SDCCAG8: variants seen among roughly 807,000 people sequenced by gnomAD.
The protein encoded by SDCCAG8 is SHH signaling and ciliogenesis regulator SDCCAG8, also known as serologically defined colon cancer antigen 8.
In SDCCAG8, 74 loss-of-function variants were observed where a neutral mutation model predicts 101.8. That is an observed-to-expected ratio of 0.73 (90% CI 0.60 to 0.88). The LOEUF is 0.88. Among genes scored for constraint, SDCCAG8 ranks in the 40% least tolerant of loss-of-function variants. SDCCAG8 has a pLI of 0.00. For missense variants in SDCCAG8, 787 were observed against 822.6 expected, an observed-to-expected ratio of 0.96 and a Z score of 0.53; for synonymous variants, 281 against 292.9, an observed-to-expected ratio of 0.96 and a Z score of 0.41.
chr1:243,278,557 A>T (rs1031394286), intron 4 of SDCCAG8, among the ~76,000 whole-genome samples: 1 of 152,098 alleles, frequency 6.6e-6, no homozygotes, highest in Non-Finnish European at 1.5e-5. Flanking sequence ...TTATGTATTT[A>T]ATTTCAAATT....
At chr1:243,268,031 A>T in intron 1 of SDCCAG8, 2 of 776,502 alleles carry the variant, frequency 2.6e-6, no homozygotes, top group Non-Finnish European at 4.8e-6. Context: ...TTTAGGTTTT[A>T]ATCTATCCTT....
At chr1:243,444,400 C>T (rs1447813623) in intron 16 of SDCCAG8, among the ~76,000 whole-genome samples, 1 of 150,712 alleles carries the variant, frequency 6.6e-6, no homozygotes, top group African/African-American at 2.4e-5. Flanking sequence ...GGGATGGAGT[C>T]TCGCTCTGTT....
intron 12 of SDCCAG8, among the ~76,000 whole-genome samples, chr1:243,375,278 T>C (rs1298581740): frequency 2.0e-5 from 3 of 152,152 alleles, no homozygotes; most frequent in African/African-American, 2.4e-5. Context: ...TGCATGCCAT[T>C]GGAGATTAGG....
rs578183179 is a variant in SDCCAG8 at position 243,470,947 on chromosome 1, A to G, written c.1986-18067A>G. On this transcript the variant is annotated intron_variant, in intron 16 of 17. Coordinates refer to ENST00000366541, the MANE Select transcript of SDCCAG8 (RefSeq NM_006642.5). ...AGTTAAAAATGATCGAGCCCTGAAT[A>G]CTTCCTGGTCATCTCTTTCATAGTT... Among the ~76,000 whole-genome samples the G allele has an allele frequency of 7.2e-5, 11 of 152,274 alleles. 1 individual carries two copies. The South Asian group carries it at 2.1e-3, about 29-fold the overall frequency.
chr1:243,257,634 G>T (rs1440024399), intron 1 of SDCCAG8, among the ~76,000 whole-genome samples: 1 of 152,168 alleles, frequency 6.6e-6, no homozygotes, highest in Non-Finnish European at 1.5e-5. Context: ...CATGACTCTA[G>T]ATTTTATAAG....
At chr1:243,277,688 G>T (rs1321335472) in intron 4 of SDCCAG8, among the ~76,000 whole-genome samples, 1 of 151,936 alleles carries the variant, frequency 6.6e-6, no homozygotes, top group Non-Finnish European at 1.5e-5. Context: ...TTCATAGATT[G>T]TACTTTTAAC....
chr1:243,419,579 A>G (rs2080846759), intron 15 of SDCCAG8, among the ~76,000 whole-genome samples: 1 of 152,204 alleles, frequency 6.6e-6, no homozygotes, highest in African/African-American at 2.4e-5. Flanking sequence ...TTGGTATGTT[A>G]TTTAATTCTC....
chr1:243,341,578 A>G (rs867005355), intron 11 of SDCCAG8, among the ~76,000 whole-genome samples: 4 of 152,242 alleles, frequency 2.6e-5, no homozygotes, highest in Non-Finnish European at 4.4e-5. Context: ...TGCCAAAGAC[A>G]TATATTGACA....
At position 243,390,803 on chromosome 1, in the gene SDCCAG8, G is replaced by A. The variant is rs974066188; in HGVS notation, c.1616+11940G>A. ...GTTCAATGAAAATAGGAAAGAAAAA[G>A]CAAAAACATAGAATTGTTCTCATAG... On this transcript the variant is annotated intron_variant, in intron 13 of 17. Transcript: ENST00000366541. Among the ~76,000 whole-genome samples, 42 of 152,142 alleles carry A rather than the reference G, an allele frequency of 2.8e-4. 1 individual carries two copies. Among genetic ancestry groups the A allele is most frequent in the Admixed American group, 1.4e-3 (21 of 15,278 alleles).
In SDCCAG8 at chr1:243,474,563, G is replaced by A. The variant is rs558688684; in HGVS notation, c.1986-14451G>A. Among the ~76,000 whole-genome samples, 2 of 152,344 alleles carry A rather than the reference G, an allele frequency of 1.3e-5. No individual in the cohort carries two copies. Among genetic ancestry groups the A allele is most frequent in the South Asian group, 2.1e-4 (1 of 4,828 alleles). Reference sequence around the variant, plus strand: ...GCAGCGCTGAGACCTGGCCGCCTAGGCCACCCTGCCCGGCGAGGGAGAGGG... The same window carrying A: ...GCAGCGCTGAGACCTGGCCGCCTAGACCACCCTGCCCGGCGAGGGAGAGGG... On this transcript the variant is annotated intron_variant, in intron 16 of 17. Transcript: ENST00000366541. This position sits in a 1 kb window ranked among gnomAD's most constrained non-coding sequence, Gnocchi z 4.7.
intron 1 of SDCCAG8, among the ~76,000 whole-genome samples, chr1:243,260,033 A>G (rs2067083109): frequency 6.6e-6 from 1 of 151,910 alleles, no homozygotes; most frequent in African/African-American, 2.4e-5. Context: ...ATTCCCTTAC[A>G]CTTTTCAGTG....
intron 6 of SDCCAG8, among the ~76,000 whole-genome samples, chr1:243,295,361 C>T (rs1385673543): frequency 6.6e-6 from 1 of 152,130 alleles, no homozygotes; most frequent in East Asian, 1.9e-4. Context: ...CCTCAGCACC[C>T]CAAGTAGCTG....
At chr1:243,341,707 A>C (rs1171588064) in intron 11 of SDCCAG8, among the ~76,000 whole-genome samples, 1 of 152,178 alleles carries the variant, frequency 6.6e-6, no homozygotes, top group Non-Finnish European at 1.5e-5. Flanking sequence ...TTATACTTTA[A>C]AATACTACAT....
Position 243,293,279 on chromosome 1 carries a change from T to C in SDCCAG8, c.675+60T>C, listed in dbSNP as rs552079971. 3 of 1,546,534 alleles carry C rather than the reference T, an allele frequency of 1.9e-6. No homozygotes were observed. In the Admixed American group the frequency reaches 5.5e-5, roughly 28 times the overall value. ...TTTTTTCTTTTTCTCTTTTGTACTT[T>C]TTTAAAATTCTGGTAAAATATATAT... On this transcript the variant is annotated intron_variant, in intron 6 of 17. Transcript: ENST00000366541.
At chr1:243,320,057 A>C (rs1298334320) in intron 9 of SDCCAG8, among the ~76,000 whole-genome samples, 1 of 152,088 alleles carries the variant, frequency 6.6e-6, no homozygotes, top group Non-Finnish European at 1.5e-5. Flanking sequence ...GAACTCACAC[A>C]TTCACTCTCC....
intron 13 of SDCCAG8, among the ~76,000 whole-genome samples, chr1:243,390,654 C>G (rs2078645984): frequency 6.6e-6 from 1 of 152,182 alleles, no homozygotes; most frequent in African/African-American, 2.4e-5. Flanking sequence ...TCTCCCCTGC[C>G]ACATAGGCCC....
intron 13 of SDCCAG8, among the ~76,000 whole-genome samples, chr1:243,412,450 G>A (rs944458930): frequency 2.6e-5 from 4 of 152,158 alleles, no homozygotes; most frequent in African/African-American, 7.2e-5. Context: ...GTGTTGGGCC[G>A]CATTCAAAAC....
intron 16 of SDCCAG8, among the ~76,000 whole-genome samples, chr1:243,440,200 A>G (rs1272257300): frequency 1.3e-5 from 2 of 152,190 alleles, no homozygotes; most frequent in African/African-American, 4.8e-5. Context: ...TATGAGGCTT[A>G]AATGAGCTTA....
intron 13 of SDCCAG8, among the ~76,000 whole-genome samples, chr1:243,394,854 T>G (rs2147954088): frequency 6.6e-6 from 1 of 151,962 alleles, no homozygotes; most frequent in East Asian, 1.9e-4. Context: ...TTTTTCTGTT[T>G]TTTTTTTTTC....
Sources: allele counts gnomAD v4.1 joint callset (sites outside exome capture counted in the v4.1 genomes callset), GRCh38; gene constraint gnomAD v4.1.1; non-coding constraint Gnocchi (gnomAD v3.1); transcripts MANE v1.5; gene names NCBI Gene and HGNC (gene_info 2026-07-23, HGNC 2026-07-21).